TINAG: variants seen among roughly 807,000 people sequenced by gnomAD.
The protein encoded by TINAG is tubulointerstitial nephritis antigen.
TINAG carries 83 observed loss-of-function variants against 72.7 expected under a neutral mutation model. That is an observed-to-expected ratio of 1.14 (90% CI 0.96 to 1.37). The LOEUF is 1.37. Among genes scored for constraint, TINAG ranks in the 40% most tolerant of loss-of-function variants. The probability of loss-of-function intolerance (pLI) is 0.00; values close to 1 mark genes in which losing one functional copy is unlikely to be tolerated. For synonymous variants in TINAG, 234 were observed against 189.9 expected (o/e 1.23, Z -1.91); for missense variants, 685 against 576.6 (o/e 1.19, Z -1.93).
chr6:54,323,340 G>A (rs1784534565), intron 3 of TINAG, among the ~76,000 whole-genome samples: 1 of 152,116 alleles, frequency 6.6e-6, no homozygotes, highest in South Asian at 2.1e-4. Context: ...AAAAAGGGGG[G>A]AAGTCTTTAA....
chr6:54,352,175 A>G (rs1303780045), intron 8 of TINAG, among the ~76,000 whole-genome samples: 1 of 151,882 alleles, frequency 6.6e-6, no homozygotes, highest in African/African-American at 2.4e-5. Flanking sequence ...GGCCCGGAAT[A>G]TATTATCAAT....
At chr6:54,372,737 T>TGTATGTATATATGTATAC (rs1347702249) in intron 9 of TINAG, among the ~76,000 whole-genome samples, 5 of 5,248 alleles carry the variant, frequency 9.5e-4, no homozygotes, top group African/African-American at 6.9e-3. Context: ...CATATATATA[T>TGTATGTATATATGTATAC]ATATATATAT....
intron 1 of TINAG, among the ~76,000 whole-genome samples, chr6:54,315,994 T>A (rs1784365261): frequency 6.6e-6 from 1 of 152,166 alleles, no homozygotes; most frequent in African/African-American, 2.4e-5. Flanking sequence ...ATACTGACAG[T>A]TACAAAAATA....
intron 10 of TINAG, among the ~76,000 whole-genome samples, chr6:54,386,821 G>C (rs568723737): frequency 6.6e-6 from 1 of 151,996 alleles, no homozygotes; most frequent in Non-Finnish European, 1.5e-5. Context: ...AAAGTTTCTC[G>C]AAGAAAACAT....
In TINAG at chr6:54,350,420, T is replaced by C. The variant is rs146072102; in HGVS notation, c.1080+524T>C. Among the ~76,000 whole-genome samples, 84 of 152,014 alleles carry C rather than the reference T, an allele frequency of 5.5e-4. 2 individuals carry two copies. The highest frequency in any genetic ancestry group is 3.4e-3 in the Middle Eastern group (1 of 294). ...GTGAACCTCCAGTGTCTTCTAATTATCTCCAGAATACAATTCGGTGTTCTA... is the reference window on the plus strand; with the variant it reads ...GTGAACCTCCAGTGTCTTCTAATTACCTCCAGAATACAATTCGGTGTTCTA... On this transcript the variant is annotated intron_variant, in intron 7 of 10. Coordinates refer to ENST00000259782, the MANE Select transcript of TINAG (RefSeq NM_014464.4).
chr6:54,382,784 A>G (rs1763989443), intron 10 of TINAG, among the ~76,000 whole-genome samples: 1 of 152,130 alleles, frequency 6.6e-6, no homozygotes, highest in African/African-American at 2.4e-5. Flanking sequence ...TGTCTCATAA[A>G]TGATGGACAA....
chr6:54,347,396 T>A lies in TINAG; in HGVS notation c.778T>A (p.Ser260Thr). 6.2e-7 allele frequency: 1 copy of A among 1,613,084 alleles called. No individual in the cohort carries two copies. Among genetic ancestry groups the A allele is most frequent in the South Asian group, 1.1e-5 (1 of 91,044 alleles). Residue 260 changes from serine to threonine, a missense_variant, in exon 6 of 11, where the codon TCT becomes ACT. Ser to Thr is a moderately conservative substitution (Grantham distance 58). Transcript: ENST00000259782. ...SVAADRIAIQSKGRYTANLSP... is the reference protein window; with the variant it reads ...SVAADRIAIQTKGRYTANLSP... ...GGCTGCTGACCGAATAGCAATTCAG[T>A]CTAAGGGTCGATACACGGCCAATCT...
chr6:54,334,921 C>A (rs768749329), intron 4 of TINAG, among the ~76,000 whole-genome samples: 1 of 152,054 alleles, frequency 6.6e-6, no homozygotes, highest in Non-Finnish European at 1.5e-5. Flanking sequence ...TTTGAGTGAC[C>A]TAACTGTATG....
chr6:54,313,334 T>C (rs921099075), intron 1 of TINAG, among the ~76,000 whole-genome samples: 4 of 152,130 alleles, frequency 2.6e-5, no homozygotes, highest in African/African-American at 9.7e-5. Context: ...TAGTTTCTAA[T>C]AGTGACAAGA....
At chr6:54,319,897 G>A (rs116532194) in intron 1 of TINAG, among the ~76,000 whole-genome samples, 3,150 of 152,100 alleles carry the variant, frequency 0.021, 106 homozygotes, top group African/African-American at 0.07. Flanking sequence ...TTTAACCAGA[G>A]CACTATTTTT....
chr6:54,376,157 C>A (rs946762454), intron 9 of TINAG, among the ~76,000 whole-genome samples: 1 of 152,086 alleles, frequency 6.6e-6, no homozygotes, highest in Non-Finnish European at 1.5e-5. Flanking sequence ...GTCATCTTTG[C>A]CTTTGGCGGA....
chr6:54,389,511 G>A (rs1401146656), intron 10 of TINAG, among the ~76,000 whole-genome samples: 1 of 152,160 alleles, frequency 6.6e-6, no homozygotes, highest in Non-Finnish European at 1.5e-5. Context: ...CAGCTTGCAT[G>A]CCATCTTCTG....
chr6:54,332,364 G>A (rs1449507232), intron 4 of TINAG, among the ~76,000 whole-genome samples: 1 of 152,044 alleles, frequency 6.6e-6, no homozygotes, highest in African/African-American at 2.4e-5. Flanking sequence ...ACAAACAATA[G>A]GGAAAGGATT....
At position 54,344,767 on chromosome 6, in the gene TINAG, C is replaced by T. The variant is rs549361212; in HGVS notation, c.748+1418C>T. 1.5e-3 allele frequency among the ~76,000 whole-genome samples: 221 copies of T among 152,224 alleles called. 1 individual carries two copies. Among genetic ancestry groups the T allele is most frequent in the Non-Finnish European group, 2.1e-3 (146 of 68,002 alleles). On this transcript the variant is annotated intron_variant, in intron 5 of 10. Transcript: ENST00000259782. ...CAGGATTGTTCCCCTACCTAATTCA[C>T]GGAACACCAGAGAGAGGTTTCCTTT...
chr6:54,319,810 C>T (rs1784448491), intron 1 of TINAG, among the ~76,000 whole-genome samples: 2 of 152,208 alleles, frequency 1.3e-5, no homozygotes, highest in African/African-American at 2.4e-5. Context: ...TCTCACTAGA[C>T]AAAGTTGAGT....
intron 9 of TINAG, among the ~76,000 whole-genome samples, chr6:54,358,303 C>G (rs1763118802): frequency 6.6e-6 from 1 of 151,690 alleles, no homozygotes; most frequent in African/African-American, 2.4e-5. Flanking sequence ...ATTTAATTAG[C>G]TTTTTTATGT....
rs186876861 is a variant in TINAG, at chr6:54,324,456, A to G, written c.510-2346A>G. Among the ~76,000 whole-genome samples the G allele has an allele frequency of 2.4e-4, 37 of 152,310 alleles. No homozygotes were observed. The East Asian group carries it at 6.6e-3, about 27-fold the overall frequency. On this transcript the variant is annotated intron_variant, in intron 3 of 10. Transcript: ENST00000259782. ...AGTCCTCCCTTAAAGCTTATGCTTG[A>G]AAGTTTCATGATATCAATTCTACCA...
intron 9 of TINAG, among the ~76,000 whole-genome samples, chr6:54,362,805 G>C (rs9395942): frequency 2.6e-5 from 4 of 151,156 alleles, no homozygotes; most frequent in Non-Finnish European, 5.9e-5. Context: ...ACATTCACAG[G>C]AGTTTGGAAG....
At position 54,357,711 on chromosome 6, in the gene TINAG, A is replaced by G. The variant is rs926812883; in HGVS notation, c.1250+3075A>G. On this transcript the variant is annotated intron_variant, in intron 9 of 10. Transcript: ENST00000259782. ...ACCACTGTTTACTATCTGAACTACC[A>G]TCACCCTTGCCTAAGCCACCATTGC... is the stretch of plus-strand genomic sequence containing the variant. Among the ~76,000 whole-genome samples, 4 of 151,994 alleles carry G rather than the reference A, an allele frequency of 2.6e-5. No individual in the cohort carries two copies. In the East Asian group the frequency reaches 5.9e-4, roughly 22 times the overall value.
Sources: gnomAD v4.1 joint callset for allele counts (sites outside exome capture counted in the v4.1 genomes callset) on GRCh38, gnomAD v4.1.1 for gene constraint, MANE v1.5 for transcripts, NCBI Gene and HGNC (gene_info 2026-07-23, HGNC 2026-07-21) for gene names.